Variants in APBB2 observed in about 807,000 individuals in gnomAD.
APBB2 encodes amyloid beta precursor protein binding family B member 2, also known as Fe65-like 1.
Under a neutral mutation model 82.5 loss-of-function variants are expected in APBB2, and 38 were observed. The observed-to-expected ratio is 0.46, with a 90% confidence interval of 0.36 to 0.60. APBB2 has a LOEUF of 0.60. Among genes scored for constraint, APBB2 ranks in the 20% least tolerant of loss-of-function variants. The pLI is 0.00. For synonymous variants in APBB2, 341 were observed against 368.2 expected, an observed-to-expected ratio of 0.93 and a Z score of 0.85; for missense variants, 772 against 972.3, an observed-to-expected ratio of 0.79 and a Z score of 2.74.
intron 4 of APBB2, among the ~76,000 whole-genome samples, chr4:41,058,948 A>G (rs533422053): frequency 6.6e-6 from 1 of 152,228 alleles, no homozygotes; most frequent in African/African-American, 2.4e-5. Context: ...CAAAGATAGA[A>G]CTTAAAGTCA....
At position 40,851,760 on chromosome 4, in the gene APBB2, AAAACC is replaced by A. The variant is rs569079449; in HGVS notation, c.1530-21188_1530-21184del. ...TATATTTTTTTTTTTTTTTTTTTTC[AAAACC>A]AAACCAAAGTTATCTCAAAACTCAA... On this transcript the variant is annotated intron_variant, in intron 12 of 17. Coordinates refer to ENST00000508593, the MANE Select transcript of APBB2 (RefSeq NM_004307.2). Among the ~76,000 whole-genome samples, 343 of 126,444 alleles carry A rather than the reference AAAACC, an allele frequency of 2.7e-3. 2 individuals carry two copies. Among genetic ancestry groups the A allele is most frequent in the African/African-American group, 0.01 (324 of 30,882 alleles). The allele number at this position is 126,444 out of a possible 152,430, so 83.0% of individuals were successfully genotyped here.
intron 1 of APBB2, among the ~76,000 whole-genome samples, chr4:41,149,156 C>T (rs1053472080): frequency 1.3e-5 from 2 of 151,842 alleles, no homozygotes. Context: ...GAACACTCCC[C>T]AACACTTTTT....
chr4:40,879,928 G>A, intron 12 of APBB2: 5 of 816,904 alleles, frequency 6.1e-6, no homozygotes, highest in Non-Finnish European at 7.4e-6. Context: ...CTAACCTCAG[G>A]TGATCTGCCC....
intron 12 of APBB2, among the ~76,000 whole-genome samples, chr4:40,849,109 G>A (rs548447619): frequency 6.6e-6 from 1 of 152,238 alleles, no homozygotes; most frequent in East Asian, 1.9e-4. Context: ...CTAAGGGAAT[G>A]ATGCCACAAA....
intron 1 of APBB2, among the ~76,000 whole-genome samples, chr4:41,194,578 G>A: frequency 6.6e-6 from 1 of 152,178 alleles, no homozygotes; most frequent in East Asian, 1.9e-4. Flanking sequence ...CGCTACGTGG[G>A]AGAATCGTCT....
chr4:40,994,444 C>T (rs747704347), intron 6 of APBB2, among the ~76,000 whole-genome samples: 14 of 152,044 alleles, frequency 9.2e-5, no homozygotes, highest in Non-Finnish European at 1.3e-4. Flanking sequence ...TGGATCAAAA[C>T]CAAGAAATGG....
chr4:40,992,680 C>T (rs984646890), intron 6 of APBB2, among the ~76,000 whole-genome samples: 1 of 152,060 alleles, frequency 6.6e-6, no homozygotes, highest in Non-Finnish European at 1.5e-5. Flanking sequence ...GGAAGTAACG[C>T]GGGAAGTATG....
intron 12 of APBB2, among the ~76,000 whole-genome samples, chr4:40,862,993 CATTGAGGATTCAAA>C (rs1763146164): frequency 1.3e-5 from 2 of 152,024 alleles, no homozygotes; most frequent in African/African-American, 4.8e-5. Flanking sequence ...GGGGGCTGTA[CATTGAGGATTCAAA>C]ACTGTTTCCA....
chr4:41,164,254 C>T (rs1338470897), intron 1 of APBB2, among the ~76,000 whole-genome samples: 1 of 152,184 alleles, frequency 6.6e-6, no homozygotes, highest in Non-Finnish European at 1.5e-5. Flanking sequence ...TGAAATTTCC[C>T]TCTTGCGGCA....
intron 6 of APBB2, among the ~76,000 whole-genome samples, chr4:40,962,700 G>T (rs1793613298): frequency 6.6e-6 from 1 of 152,036 alleles, no homozygotes; most frequent in Non-Finnish European, 1.5e-5. Context: ...CTATATGAAT[G>T]GGAAAGAGGA....
intron 10 of APBB2, among the ~76,000 whole-genome samples, chr4:40,923,376 GA>G (rs1350736464): frequency 6.6e-6 from 1 of 152,252 alleles, no homozygotes; most frequent in African/African-American, 2.4e-5. Flanking sequence ...AAGCCTGAGA[GA>G]ACAAGTTCTG....
At chr4:40,853,038 AT>A (rs1759981898) in intron 12 of APBB2, among the ~76,000 whole-genome samples, 1 of 152,108 alleles carries the variant, frequency 6.6e-6, no homozygotes, top group Admixed American at 6.6e-5. Context: ...ATTAGCATGT[AT>A]TTTCTACAGA....
At chr4:40,907,596 C>G (rs1777363556) in intron 10 of APBB2, among the ~76,000 whole-genome samples, 2 of 150,138 alleles carry the variant, frequency 1.3e-5, no homozygotes, top group African/African-American at 4.9e-5. Context: ...GTCTTGAATT[C>G]CTGACCTCAG....
intron 12 of APBB2, chr4:40,856,871 T>G: frequency 1.1e-6 from 1 of 901,474 alleles, no homozygotes; most frequent in Non-Finnish European, 1.3e-6. Context: ...GGCAACTCGC[T>G]AAGCGCTGAC....
chr4:41,149,459 G>T (rs1197717558), intron 1 of APBB2, among the ~76,000 whole-genome samples: 1 of 151,910 alleles, frequency 6.6e-6, no homozygotes, highest in Non-Finnish European at 1.5e-5. Context: ...TGGGATGCAG[G>T]GGAAAGGGCT....
intron 10 of APBB2, among the ~76,000 whole-genome samples, chr4:40,928,749 G>A (rs1478400141): frequency 1.3e-5 from 2 of 151,122 alleles, no homozygotes; most frequent in East Asian, 3.9e-4. Flanking sequence ...GCTGGGTGTG[G>A]TGGTGTACAC....
At chr4:40,821,542 T>G (rs774623558) in intron 17 of APBB2, among the ~76,000 whole-genome samples, 2 of 152,204 alleles carry the variant, frequency 1.3e-5, no homozygotes, top group Non-Finnish European at 2.9e-5. Context: ...AAGTACTGAA[T>G]TGAACCCAAA....
intron 6 of APBB2, among the ~76,000 whole-genome samples, chr4:41,006,272 A>G (rs780377497): frequency 5.6e-4 from 86 of 152,298 alleles, no homozygotes; most frequent in East Asian, 3.9e-4. Flanking sequence ...CCCAGAACAC[A>G]GCATGCCTAA....
intron 10 of APBB2, among the ~76,000 whole-genome samples, chr4:40,894,172 C>G (rs1157123406): frequency 6.6e-6 from 1 of 151,712 alleles, no homozygotes; most frequent in Non-Finnish European, 1.5e-5. Context: ...CCTCTAGTCC[C>G]GGCTACTCAG....
Sources: allele counts gnomAD v4.1 joint callset (sites outside exome capture counted in the v4.1 genomes callset), GRCh38; gene constraint gnomAD v4.1.1; transcripts MANE v1.5; gene names NCBI Gene and HGNC (gene_info 2026-07-23, HGNC 2026-07-21).